The following EEF1AKMT1 variants were observed in gnomAD, a reference collection of about 807,000 sequenced individuals.
The protein encoded by EEF1AKMT1 is N-6 adenine-specific DNA methyltransferase 2 (putative).
Under a neutral mutation model 21.0 loss-of-function variants are expected in EEF1AKMT1, and 18 were observed. That is an observed-to-expected ratio of 0.86 (90% confidence interval 0.59 to 1.27). The LOEUF is 1.27. Ranked by LOEUF, EEF1AKMT1 falls within the 50% of genes most tolerant of loss-of-function variation. The pLI is 0.00. For synonymous variants in EEF1AKMT1, 109 were observed against 94.8 expected (o/e 1.15, Z -0.87); for missense variants, 246 against 258.6 (o/e 0.95, Z 0.33).
intron 1 of EEF1AKMT1, among the ~76,000 whole-genome samples, chr13:20,767,602 T>G (rs947885310): frequency 1.3e-5 from 2 of 151,926 alleles, no homozygotes; most frequent in Non-Finnish European, 2.9e-5. Context: ...TTTTAAGGTT[T>G]TTCTCTTTAT....
chr13:20,758,276 C>CT (rs1318002359), intron 1 of EEF1AKMT1, among the ~76,000 whole-genome samples: 2 of 152,212 alleles, frequency 1.3e-5, no homozygotes, highest in Non-Finnish European at 1.5e-5. Flanking sequence ...AATCCAGACA[C>CT]TCCTTTCCAT....
chr13:20,748,726 GT>G (rs750094631), intron 2 of EEF1AKMT1, among the ~76,000 whole-genome samples: 315 of 72,600 alleles, frequency 4.3e-3, no homozygotes, highest in African/African-American at 0.016. Flanking sequence ...TTTTTTTTTG[GT>G]TTTTTTTTTT....
chr13:20,731,849 A>G lies in EEF1AKMT1; in HGVS notation c.500T>C (p.Leu167Pro). Residue 167 changes from leucine to proline, a missense_variant, in exon 4 of 5, where the codon CTG becomes CCG. Leu to Pro is a moderately conservative substitution (Grantham distance 98). Coordinates refer to ENST00000382758, the MANE Select transcript of EEF1AKMT1 (RefSeq NM_001318939.2). The part of the protein sequence containing the change: ...VKYLTRGKIL[L>P]CTGAIMEEQA... Reference sequence around the variant, plus strand: ...TGAAATGCAGCACCTACCTGTGCACAGCAGAATCTTGCCCCGCGTCAGGTA... The same window carrying G: ...TGAAATGCAGCACCTACCTGTGCACGGCAGAATCTTGCCCCGCGTCAGGTA... The G allele has an allele frequency of 1.2e-6, 2 of 1,613,434 alleles. No individual in the cohort carries two copies. The highest frequency in any genetic ancestry group is 1.1e-5 in the South Asian group (1 of 91,042).
intron 2 of EEF1AKMT1, among the ~76,000 whole-genome samples, chr13:20,738,323 G>A (rs2058838609): frequency 6.6e-6 from 1 of 152,218 alleles, no homozygotes; most frequent in Admixed American, 6.5e-5. Flanking sequence ...TTGGGGGCAA[G>A]TTTGTTTTTC....
Position 20,752,451 on chromosome 13 carries a change from T to C in EEF1AKMT1, c.144+5004A>G, listed in dbSNP as rs182040659. ...CTGTTGATGTGGTGTATTATGTTTG[T>C]TGATTTGCAGGTGTTGAACCTTCCT... On this transcript the variant is annotated intron_variant, in intron 2 of 4. Transcript: ENST00000382758. Among the ~76,000 whole-genome samples, 25 of 152,290 alleles carry C rather than the reference T, an allele frequency of 1.6e-4. No homozygotes were observed. In the East Asian group the frequency reaches 4.0e-3, roughly 25 times the overall value.
intron 2 of EEF1AKMT1, among the ~76,000 whole-genome samples, chr13:20,739,109 C>T (rs1405160150): frequency 6.6e-6 from 1 of 152,022 alleles, no homozygotes; most frequent in African/African-American, 2.4e-5. Context: ...AGACCTTCGC[C>T]AAGAGGATTA....
chr13:20,770,675 C>T (rs775481524), intron 1 of EEF1AKMT1, among the ~76,000 whole-genome samples: 1 of 151,990 alleles, frequency 6.6e-6, no homozygotes, highest in African/African-American at 2.4e-5. Flanking sequence ...TCTTTTCATT[C>T]AGGAGAAAAA....
intron 2 of EEF1AKMT1, chr13:20,747,834 T>G (rs2141424315): frequency 1.2e-5 from 2 of 165,120 alleles, no homozygotes; most frequent in Non-Finnish European, 2.7e-5. Context: ...TTGGATATAA[T>G]AGCCATCTCT....
intron 1 of EEF1AKMT1, among the ~76,000 whole-genome samples, chr13:20,772,763 G>T (rs1460582328): frequency 6.6e-6 from 1 of 152,198 alleles, no homozygotes; most frequent in Non-Finnish European, 1.5e-5. Flanking sequence ...TGCAGCATAA[G>T]CAGGGATTAG....
intron 2 of EEF1AKMT1, among the ~76,000 whole-genome samples, chr13:20,744,224 G>A (rs2141421404): frequency 6.6e-6 from 1 of 152,222 alleles, no homozygotes; most frequent in Non-Finnish European, 1.5e-5. Context: ...TGAGTCAAAT[G>A]GTATTTCTCG....
chr13:20,767,305 CAAAAA>C (rs61703956), intron 1 of EEF1AKMT1, among the ~76,000 whole-genome samples: 1 of 40,348 alleles, frequency 2.5e-5, no homozygotes. Context: ...GATTCTGTCT[CAAAAA>C]AAAAAAAAAA....
At chr13:20,750,216 C>G (rs2058933124) in intron 2 of EEF1AKMT1, among the ~76,000 whole-genome samples, 1 of 152,180 alleles carries the variant, frequency 6.6e-6, no homozygotes, top group Non-Finnish European at 1.5e-5. Context: ...CAAGTCCTCT[C>G]TGCTAGCTAT....
At position 20,754,277 on chromosome 13, in the gene EEF1AKMT1, T is replaced by A. The variant is rs533867119; in HGVS notation, c.144+3178A>T. On this transcript the variant is annotated intron_variant, in intron 2 of 4. Coordinates refer to ENST00000382758, the MANE Select transcript of EEF1AKMT1 (RefSeq NM_001318939.2). ...TTTGTTGGCAGTTTTTTTTTCTTTT[T>A]TTTTCTTTCAATATTTTGAATATAT... 1.1e-3 allele frequency among the ~76,000 whole-genome samples: 174 copies of A among 151,696 alleles called. 1 individual carries two copies. Among genetic ancestry groups the A allele is most frequent in the Middle Eastern group, 0.01 (3 of 294 alleles).
At chr13:20,765,242 A>G (rs1382729771) in intron 1 of EEF1AKMT1, among the ~76,000 whole-genome samples, 1 of 152,092 alleles carries the variant, frequency 6.6e-6, no homozygotes, top group Admixed American at 6.6e-5. Context: ...CCCAGGCAAC[A>G]GTGCAAGACT....
chr13:20,731,865 G>A lies in EEF1AKMT1; in HGVS notation c.484C>T (p.Arg162Trp), dbSNP rs749657822. The A allele has an allele frequency of 5.6e-6, 9 of 1,613,884 alleles. No individual in the cohort carries two copies. Among genetic ancestry groups the A allele is most frequent in the East Asian group, 2.2e-5 (1 of 44,882 alleles). The change falls in exon 4 of 5, where the codon CGG becomes TGG. Residue 162 changes from arginine (R) to tryptophan (W), a missense_variant. Coordinates refer to ENST00000382758, the MANE Select transcript of EEF1AKMT1 (RefSeq NM_001318939.2). ...KTSETVKYLT[R>W]GKILLCTGAI... ...CCTGTGCACAGCAGAATCTTGCCCC[G>A]CGTCAGGTACTTGACGGTTTCCGAT...
At chr13:20,751,658 C>T (rs535696725) in intron 2 of EEF1AKMT1, among the ~76,000 whole-genome samples, 3 of 115,020 alleles carry the variant, frequency 2.6e-5, no homozygotes, top group African/African-American at 5.6e-5. Flanking sequence ...TTGGGTTCCA[C>T]AGGAATTTCA....
chr13:20,750,185 T>C (rs970043906), intron 2 of EEF1AKMT1, among the ~76,000 whole-genome samples: 1 of 152,178 alleles, frequency 6.6e-6, no homozygotes, highest in East Asian at 1.9e-4. Flanking sequence ...CTTGAGTATT[T>C]ATCACCTGTT....
intron 3 of EEF1AKMT1, among the ~76,000 whole-genome samples, chr13:20,735,430 G>C (rs2058821555): frequency 6.6e-6 from 1 of 152,122 alleles, no homozygotes; most frequent in South Asian, 2.1e-4. Flanking sequence ...GTACCATGTG[G>C]AAATTAGGAG....
intron 2 of EEF1AKMT1, among the ~76,000 whole-genome samples, chr13:20,745,797 G>A (rs887667647): frequency 2.6e-5 from 4 of 152,106 alleles, no homozygotes; most frequent in Admixed American, 6.5e-5. Flanking sequence ...GCAGTAAGCC[G>A]AGATTGTGCC....
Sources: gnomAD v4.1 joint callset for allele counts (sites outside exome capture counted in the v4.1 genomes callset) on GRCh38, gnomAD v4.1.1 for gene constraint, MANE v1.5 for transcripts, NCBI Gene and HGNC (gene_info 2026-07-23, HGNC 2026-07-21) for gene names.